Variants in PPP1R1C observed in about 807,000 individuals in gnomAD.
PPP1R1C encodes the protein protein phosphatase 1 regulatory inhibitor subunit 1C.
Under a neutral mutation model 17.4 loss-of-function variants are expected in PPP1R1C, and 15 were observed. The observed-to-expected ratio is 0.86, with a 90% CI of 0.58 to 1.33. The LOEUF is 1.33. Ranked by LOEUF, PPP1R1C falls within the 40% of genes most tolerant of loss-of-function variation. The probability of loss-of-function intolerance (pLI) is 0.00; values close to 1 mark genes in which losing one functional copy is unlikely to be tolerated. For synonymous variants in PPP1R1C, 35 were observed against 43.1 expected, an observed-to-expected ratio of 0.81 and a Z score of 0.73; for missense variants, 143 against 130.0, an observed-to-expected ratio of 1.10 and a Z score of -0.48.
chr2:182,009,963 A>G (rs1686042325), intron 2 of PPP1R1C, among the ~76,000 whole-genome samples: 2 of 151,884 alleles, frequency 1.3e-5, no homozygotes, highest in African/African-American at 2.4e-5. Context: ...TGGGTTCTCA[A>G]TTCTGTTCCA....
At chr2:182,100,801 A>G (rs1689078229) in intron 4 of PPP1R1C, among the ~76,000 whole-genome samples, 1 of 152,196 alleles carries the variant, frequency 6.6e-6, no homozygotes, top group African/African-American at 2.4e-5. Flanking sequence ...AGGAGCAAAC[A>G]ATATCTTATG....
At chr2:182,099,784 A>G (rs758480064) in intron 4 of PPP1R1C, among the ~76,000 whole-genome samples, 3 of 152,232 alleles carry the variant, frequency 2.0e-5, no homozygotes, top group Non-Finnish European at 4.4e-5. Context: ...AGTTTTATCC[A>G]TAATTTACTA....
chr2:182,051,250 G>T lies in PPP1R1C; in HGVS notation c.143-10192G>T, dbSNP rs542915340. 2.6e-5 allele frequency among the ~76,000 whole-genome samples: 4 copies of T among 152,296 alleles called. No homozygotes were observed. The South Asian group carries it at 8.3e-4, about 32-fold the overall frequency. On this transcript the variant is annotated intron_variant, in intron 2 of 4. Transcript: ENST00000682840. ...TCTTAGTGCCTCCTGAAAGATAGAAGAAAAACTTAAATGCTGACCAGTGTT... is the reference window on the plus strand; with the variant it reads ...TCTTAGTGCCTCCTGAAAGATAGAATAAAAACTTAAATGCTGACCAGTGTT...
At chr2:181,985,265 G>C (rs554915288), upstream of PPP1R1C, among the ~76,000 whole-genome samples, 12 of 152,304 alleles carry the variant, frequency 7.9e-5, no homozygotes, top group South Asian at 2.5e-3. This position sits in a 1 kb window ranked among gnomAD's most constrained non-coding sequence, Gnocchi z 4.1. Context: ...TGTTGGAACA[G>C]GATGGGACTT....
At chr2:182,121,509 GAT>G (rs1479489165), downstream of PPP1R1C, among the ~76,000 whole-genome samples, 2 of 151,690 alleles carry the variant, frequency 1.3e-5, no homozygotes, top group Non-Finnish European at 2.9e-5. Flanking sequence ...TATTTTTTGA[GAT>G]GGAGTCTCGC....
At chr2:182,114,355 A>C (rs1409067003) in intron 4 of PPP1R1C, among the ~76,000 whole-genome samples, 2 of 152,128 alleles carry the variant, frequency 1.3e-5, no homozygotes, top group Non-Finnish European at 2.9e-5. Flanking sequence ...ATTCATTTTC[A>C]TCCATCTCTA....
rs1685282587 is a variant in PPP1R1C at position 181,985,899 on chromosome 2, G to C, written c.-212G>C. 1.7e-6 allele frequency: 1 copy of C among 597,676 alleles called. No homozygotes were observed. Among genetic ancestry groups the C allele is most frequent in the Admixed American group, 3.0e-5 (1 of 33,582 alleles). 37.0% of individuals were successfully genotyped at this position (597,676 alleles called of 1,614,324 possible). On this transcript the variant is annotated 5_prime_UTR_variant, in exon 1 of 5. Coordinates refer to ENST00000682840, the MANE Select transcript of PPP1R1C (RefSeq NM_001080545.3). The surrounding 1 kb of genome is among the most constrained non-coding windows in gnomAD (Gnocchi z 4.1). ...CTGAGAGGATCCAAGGGATTGGTGG[G>C]GGAACAGGCAAGCCAGGCATCACCG...
At chr2:182,035,120 A>G (rs191717880) in intron 2 of PPP1R1C, among the ~76,000 whole-genome samples, 7 of 152,274 alleles carry the variant, frequency 4.6e-5, no homozygotes, top group African/African-American at 1.7e-4. Flanking sequence ...CATCTGTTAA[A>G]TAGTTCTGTA....
chr2:182,127,843 G>C (rs1689912335), intron 5 of PPP1R1C, among the ~76,000 whole-genome samples: 1 of 151,968 alleles, frequency 6.6e-6, no homozygotes, highest in Non-Finnish European at 1.5e-5. Context: ...ACAGAGTTTT[G>C]GGATTTTCTT....
chr2:181,984,013 C>T (rs1056977064), upstream of PPP1R1C, among the ~76,000 whole-genome samples: 1 of 152,060 alleles, frequency 6.6e-6, no homozygotes, highest in Non-Finnish European at 1.5e-5. Flanking sequence ...GGTATTTATA[C>T]CAAACACATA....
chr2:181,998,058 A>C (rs894876933), intron 2 of PPP1R1C, among the ~76,000 whole-genome samples: 1 of 152,150 alleles, frequency 6.6e-6, no homozygotes, highest in African/African-American at 2.4e-5. Flanking sequence ...TGTAACTTTC[A>C]AACTAGTTTT....
At chr2:182,064,795 C>T (rs1687942698) in intron 4 of PPP1R1C, among the ~76,000 whole-genome samples, 2 of 151,982 alleles carry the variant, frequency 1.3e-5, no homozygotes, top group South Asian at 4.1e-4. Context: ...CTAGGCATCT[C>T]TCTCTGAAGA....
In PPP1R1C at chr2:181,992,236, T is replaced by C. The variant is rs183984382; in HGVS notation, c.142+4337T>C. On this transcript the variant is annotated intron_variant, in intron 2 of 4. Coordinates refer to ENST00000682840, the MANE Select transcript of PPP1R1C (RefSeq NM_001080545.3). ...TTTCAGATGTTAGAAAATGATTTCT[T>C]ATACCAAACTTAAATATAAATTCCC... 9.4e-5 allele frequency among the ~76,000 whole-genome samples: 13 copies of C among 137,618 alleles called. 4 individuals carry two copies. In the East Asian group the frequency reaches 2.6e-3, roughly 27 times the overall value. 90.3% of individuals were successfully genotyped at this position (137,618 alleles called of 152,430 possible). A position where few individuals can be genotyped will look rare whatever the true frequency, so the allele number is the denominator to read the frequency against.
rs1260562802 is a variant in PPP1R1C at position 181,967,436 on chromosome 2, T to C, written n.112-7783T>C. ...CTTTGTTGATGTGGGTGCTTATTGC[T>C]ATAAACTTTCTTCTTAGTACTGTTT... On this transcript the variant is annotated intron_variant and non_coding_transcript_variant, in intron 1 of 5. Coordinates refer to the PPP1R1C transcript ENST00000464264. This position sits in a 1 kb window ranked among gnomAD's most constrained non-coding sequence, Gnocchi z 5.5. Among the ~76,000 whole-genome samples the C allele has an allele frequency of 6.6e-6, 1 of 152,204 alleles. No homozygotes were observed. The highest frequency in any genetic ancestry group is 2.4e-5 in the African/African-American group (1 of 41,466).
chr2:182,031,253 A>C (rs1686826064), intron 2 of PPP1R1C, among the ~76,000 whole-genome samples: 3 of 152,174 alleles, frequency 2.0e-5, no homozygotes, highest in African/African-American at 7.2e-5. Context: ...ATTCTTCTAT[A>C]TGTGTTTATG....
chr2:181,986,107 T>C lies in PPP1R1C; in HGVS notation c.-4T>C, dbSNP rs370071164. 23 of 1,612,342 alleles carry C rather than the reference T, an allele frequency of 1.4e-5. No homozygotes were observed. The African/African-American group carries it at 2.5e-4, about 18-fold the overall frequency. ...CACATCTCTGACTAATTATCATCAT[T>C]ACCATGGAGCCCAACAGTCCCAAAA... On this transcript the variant is annotated 5_prime_UTR_variant, in exon 1 of 5. Coordinates refer to ENST00000682840, the MANE Select transcript of PPP1R1C (RefSeq NM_001080545.3).
At chr2:182,024,892 A>AC (rs201849903) in intron 2 of PPP1R1C, among the ~76,000 whole-genome samples, 2 of 151,262 alleles carry the variant, frequency 1.3e-5, no homozygotes, top group Non-Finnish European at 2.9e-5. Context: ...AAACAAACAA[A>AC]AATACTAGCA....
At chr2:181,955,850 T>C (rs1436275619) in intron 1 of PPP1R1C, among the ~76,000 whole-genome samples, 1 of 152,208 alleles carries the variant, frequency 6.6e-6, no homozygotes, top group East Asian at 1.9e-4. Flanking sequence ...TAGTCTTTTG[T>C]CTATGCATGT....
chr2:182,037,031 A>G (rs1221817603), intron 2 of PPP1R1C, among the ~76,000 whole-genome samples: 1 of 152,250 alleles, frequency 6.6e-6, no homozygotes, highest in Non-Finnish European at 1.5e-5. Flanking sequence ...GAGAGGCTAA[A>G]TACCAGAACG....
Sources: gnomAD v4.1 joint callset for allele counts (sites outside exome capture counted in the v4.1 genomes callset) on GRCh38, gnomAD v4.1.1 for gene constraint, Gnocchi (gnomAD v3.1) non-coding constraint, MANE v1.5 for transcripts, NCBI Gene and HGNC (gene_info 2026-07-23, HGNC 2026-07-21) for gene names.